The following ERCC6L2 variants were observed in gnomAD, a reference collection of about 807,000 sequenced individuals.
ERCC6L2 encodes ERCC excision repair 6 like 2.
A neutral mutation model predicts 132.0 loss-of-function variants in ERCC6L2; 77 were observed. That is an observed-to-expected ratio of 0.58 (90% CI 0.49 to 0.71). The LOEUF is 0.71. Among genes scored for constraint, ERCC6L2 ranks in the 30% least tolerant of loss-of-function variants. The pLI, the probability that ERCC6L2 is intolerant of heterozygous loss-of-function variation, is 0.00. For missense variants in ERCC6L2, 1,542 were observed against 1,837.6 expected (o/e 0.84, Z 2.94); for synonymous variants, 583 against 632.4 (o/e 0.92, Z 1.17).
intron 17 of ERCC6L2, among the ~76,000 whole-genome samples, chr9:96,001,791 T>C (rs964539420): frequency 7.2e-5 from 11 of 152,184 alleles, no homozygotes; most frequent in Non-Finnish European, 1.0e-4. Context: ...CGGGGAGGCT[T>C]GGGCCGCACA....
intron 11 of ERCC6L2, among the ~76,000 whole-genome samples, chr9:95,938,383 T>C (rs573586162): frequency 8.5e-5 from 13 of 152,204 alleles, no homozygotes; most frequent in African/African-American, 3.1e-4. Context: ...TTTTGTTCTT[T>C]TATATCCTTG....
intron 2 of ERCC6L2, among the ~76,000 whole-genome samples, chr9:95,893,934 T>C (rs1053972059): frequency 6.6e-6 from 1 of 152,198 alleles, no homozygotes; most frequent in Non-Finnish European, 1.5e-5. Context: ...TGATAACTGA[T>C]TAATAGTCCC....
At chr9:96,020,698 G>A, downstream of ERCC6L2, 2 of 439,490 alleles carry the variant, frequency 4.6e-6, no homozygotes, top group Non-Finnish European at 9.2e-6. Flanking sequence ...CAAGGCTTCC[G>A]CAGCTCAAAA....
chr9:96,017,927 A>G lies in ERCC6L2; in HGVS notation c.*4724A>G, dbSNP rs1318779113. On this transcript the variant is annotated 3_prime_UTR_variant, in exon 19 of 19. Coordinates refer to ENST00000653738, the MANE Select transcript of ERCC6L2 (RefSeq NM_020207.7). ...TATTCAGCCTTGAAAGGAAATTCGG[A>G]CACGTGCTACAACATAGATGAATCT... Among the ~76,000 whole-genome samples, 1 of 152,242 alleles carries G rather than the reference A, an allele frequency of 6.6e-6. No homozygotes were observed. Among genetic ancestry groups the G allele is most frequent in the Non-Finnish European group, 1.5e-5 (1 of 68,042 alleles).
intron 20 of ERCC6L2, among the ~76,000 whole-genome samples, chr9:96,039,588 T>A (rs1479630985): frequency 6.6e-6 from 1 of 152,038 alleles, no homozygotes; most frequent in Admixed American, 6.6e-5. Flanking sequence ...CACCTTCCAG[T>A]GCCTAAGGCC....
intron 2 of ERCC6L2, among the ~76,000 whole-genome samples, chr9:95,889,518 A>G (rs953723991): frequency 6.6e-6 from 1 of 152,058 alleles, no homozygotes; most frequent in Admixed American, 6.5e-5. Context: ...ATTAAGGTAC[A>G]CTTAAACTGT....
intron 11 of ERCC6L2, among the ~76,000 whole-genome samples, chr9:95,939,568 T>C (rs1211093007): frequency 6.6e-6 from 1 of 152,230 alleles, no homozygotes; most frequent in Non-Finnish European, 1.5e-5. Flanking sequence ...TTCTGTCTTT[T>C]GTCTTTTCCA....
intron 2 of ERCC6L2, among the ~76,000 whole-genome samples, chr9:95,896,136 G>A (rs930956787): frequency 3.9e-5 from 6 of 151,924 alleles, no homozygotes; most frequent in East Asian, 1.9e-4. Context: ...CTGTGTCACC[G>A]ATCTTCTAAC....
At chr9:95,880,312 A>G (rs976428367) in intron 1 of ERCC6L2, among the ~76,000 whole-genome samples, 13 of 152,196 alleles carry the variant, frequency 8.5e-5, no homozygotes, top group Admixed American at 5.9e-4. Context: ...GAGAAAGGCA[A>G]TGGAATAACT....
intron 17 of ERCC6L2, among the ~76,000 whole-genome samples, chr9:95,990,575 G>A (rs1833261422): frequency 6.6e-6 from 1 of 152,226 alleles, no homozygotes; most frequent in African/African-American, 2.4e-5. Flanking sequence ...GGCAGGAACT[G>A]GAGTGGCTCG....
intron 17 of ERCC6L2, among the ~76,000 whole-genome samples, chr9:95,984,307 TAA>T (rs1309934354): frequency 6.7e-6 from 1 of 149,608 alleles, no homozygotes; most frequent in South Asian, 2.1e-4. Context: ...TATATATGTA[TAA>T]ATATATATTA....
chr9:95,880,942 A>G lies in ERCC6L2; in HGVS notation c.120A>G (p.Lys40=). The G allele has an allele frequency of 6.2e-7, 1 of 1,614,030 alleles. No homozygotes were observed. Among genetic ancestry groups the G allele is most frequent in the Non-Finnish European group, 8.5e-7 (1 of 1,179,938 alleles). Residue 40 remains lysine (K), a synonymous_variant, in exon 2 of 19, where the codon AAA becomes AAG. Transcript: ENST00000653738. ...GAAAACTTTGTGAAGCAAGCATAAA[A>G]TCTATCACAGTGGATGAAAATGGCA... is the stretch of plus-strand genomic sequence containing the variant. ...DNGKLCEASI[K]SITVDENGKS...
At position 95,882,233 on chromosome 9, in the gene ERCC6L2, CAA is replaced by C. The variant is rs1827634783; in HGVS notation, c.471+941_471+942del. Among the ~76,000 whole-genome samples, 5 of 152,294 alleles carry C rather than the reference CAA, an allele frequency of 3.3e-5. No individual in the cohort carries two copies. The South Asian group carries it at 1.0e-3, about 32-fold the overall frequency. ...CATAGTCTTTGGTGATGTAATAACA[CAA>C]GAGACATCCCTTCACTTTTGTCACA... On this transcript the variant is annotated intron_variant, in intron 2 of 18. Coordinates refer to ENST00000653738, the MANE Select transcript of ERCC6L2 (RefSeq NM_020207.7).
rs1834144359 is a variant in ERCC6L2, at chr9:96,014,846, C to T, written c.*1643C>T. ...ATGATATGGTCCTTGATAGACTTGA[C>T]TTGTAGATGTTTTCAGCCTACAATG... On this transcript the variant is annotated 3_prime_UTR_variant, in exon 19 of 19. Transcript: ENST00000653738. 6.6e-6 allele frequency among the ~76,000 whole-genome samples: 1 copy of T among 152,120 alleles called. No individual in the cohort carries two copies. The highest frequency in any genetic ancestry group is 6.5e-5 in the Admixed American group (1 of 15,270).
At chr9:96,023,980 CTTT>C (rs1307307483) in intron 19 of ERCC6L2, among the ~76,000 whole-genome samples, 3 of 152,200 alleles carry the variant, frequency 2.0e-5, no homozygotes, top group African/African-American at 7.2e-5. Flanking sequence ...GGGTATTTCT[CTTT>C]TTCTGGTGAG....
intron 8 of ERCC6L2, among the ~76,000 whole-genome samples, chr9:95,922,715 A>G (rs1829929162): frequency 6.6e-6 from 1 of 152,152 alleles, no homozygotes. Context: ...GGTCAGTTCT[A>G]TTCCTCTAAT....
intron 19 of ERCC6L2, among the ~76,000 whole-genome samples, chr9:96,035,092 G>A (rs1035597564): frequency 6.6e-6 from 1 of 152,148 alleles, no homozygotes; most frequent in African/African-American, 2.4e-5. Context: ...GCTCGGGGGT[G>A]TCTGATCCTA....
rs1251103130 is a variant in ERCC6L2, at chr9:95,915,644, C to T, written c.789-24C>T. The T allele has an allele frequency of 1.9e-6, 3 of 1,587,588 alleles. No individual in the cohort carries two copies. The African/African-American group carries it at 4.1e-5, about 22-fold the overall frequency. On this transcript the variant is annotated intron_variant, in intron 4 of 18. Transcript: ENST00000653738. ...AAGAAAGGAAGTTTTCTCAACCTCA[C>T]CCTTCTTTTTTCTTACTTTATAGTT...
At chr9:95,890,396 A>G (rs1587849772) in intron 2 of ERCC6L2, among the ~76,000 whole-genome samples, 1 of 152,222 alleles carries the variant, frequency 6.6e-6, no homozygotes, top group Non-Finnish European at 1.5e-5. Context: ...ATTAAAATTT[A>G]TAGAAAGTTT....
Sources: gnomAD v4.1 joint callset for allele counts (sites outside exome capture counted in the v4.1 genomes callset) on GRCh38, gnomAD v4.1.1 for gene constraint, MANE v1.5 for transcripts, NCBI Gene and HGNC (gene_info 2026-07-23, HGNC 2026-07-21) for gene names.